Variants in ESPNL observed in about 807,000 individuals in gnomAD.
ESPNL encodes espin-like protein.
Under a neutral mutation model 46.8 loss-of-function variants are expected in ESPNL, and 49 were observed. The ratio of observed to expected loss-of-function variants is 1.05; its 90% confidence interval spans 0.83 to 1.33. The LOEUF is 1.33. Ranked by LOEUF, ESPNL falls within the 40% of genes most tolerant of loss-of-function variation. ESPNL has a pLI of 0.00. For missense variants in ESPNL, 1,540 were observed against 1,436.6 expected (o/e 1.07, Z -1.16); for synonymous variants, 664 against 662.1 (o/e 1.00, Z -0.04).
In ESPNL at chr2:238,127,604, CCTT is replaced by C. The variant is rs752327796; in HGVS notation, c.1103-8_1103-6del. 47 of 1,584,008 alleles carry C rather than the reference CCTT, an allele frequency of 3.0e-5. No individual in the cohort carries two copies. The highest frequency in any genetic ancestry group is 6.9e-5 in the East Asian group (3 of 43,692). ...CCAGCCCTTGCCCTTTCTGCAACAC[CCTT>C]CTTCTTCTTGGCAGCCATGTCCCTC... On this transcript the variant is annotated splice_polypyrimidine_tract_variant and intron_variant, in intron 6 of 8. Transcript: ENST00000343063.
intron 2 of ESPNL, among the ~76,000 whole-genome samples, chr2:238,103,553 C>T (rs572170767): frequency 7.9e-5 from 12 of 152,330 alleles, no homozygotes; most frequent in African/African-American, 2.4e-4. Context: ...CAGCAGCAGC[C>T]GAGAGGTGGC....
intron 6 of ESPNL, among the ~76,000 whole-genome samples, chr2:238,125,737 G>A (rs998073948): frequency 6.6e-6 from 1 of 151,836 alleles, no homozygotes; most frequent in African/African-American, 2.4e-5. Context: ...TCACGCTGTG[G>A]GCCACCACCA....
chr2:238,130,599 TGCAGGGA>T lies in ESPNL; in HGVS notation c.1887_1893del (p.Cys629TrpfsTer54). 1 of 1,568,474 alleles carries T rather than the reference TGCAGGGA, an allele frequency of 6.4e-7. No homozygotes were observed. Among genetic ancestry groups the T allele is most frequent in the Non-Finnish European group, 8.6e-7 (1 of 1,156,900 alleles). Reference sequence around the variant, plus strand: ...ATCCACCCGGCCCCTGCAGGACACCTGCAGGGAGGCCTCGGCCAGCCCCCCTCGGAGC... The same window carrying T: ...ATCCACCCGGCCCCTGCAGGACACCTGGCCTCGGCCAGCCCCCCTCGGAGC... On this transcript the variant is annotated frameshift_variant, in exon 9 of 9. Coordinates refer to ENST00000343063, the MANE Select transcript of ESPNL (RefSeq NM_194312.4). LOFTEE classifies it low-confidence loss of function (END_TRUNC).
rs968025268 is a variant in ESPNL, at chr2:238,114,279, C to T, written c.856-2624C>T. 3.3e-5 allele frequency among the ~76,000 whole-genome samples: 5 copies of T among 152,132 alleles called. No homozygotes were observed. Among genetic ancestry groups the T allele is most frequent in the African/African-American group, 1.2e-4 (5 of 41,418 alleles). On this transcript the variant is annotated intron_variant, in intron 4 of 8. Coordinates refer to ENST00000343063, the MANE Select transcript of ESPNL (RefSeq NM_194312.4). The surrounding 1 kb of genome is among the most constrained non-coding windows in gnomAD (Gnocchi z 5.0). ...TCAGGGCTTTGCCCTCTCTCCCCAG[C>T]ACCATTTGGGGCCAGGTCTGACACT...
In ESPNL at chr2:238,109,235, A is replaced by T. The variant is rs977147236; in HGVS notation, c.855+1262A>T. 2.0e-5 allele frequency among the ~76,000 whole-genome samples: 3 copies of T among 152,160 alleles called. No individual in the cohort carries two copies. In the East Asian group the frequency reaches 5.8e-4, roughly 29 times the overall value. Reference sequence around the variant, plus strand: ...TGGCCAGGGGTTTTTAAGCTTTTTTAAAGCAGCAAAATCTTCTTTCAAATG... The same window carrying T: ...TGGCCAGGGGTTTTTAAGCTTTTTTTAAGCAGCAAAATCTTCTTTCAAATG... On this transcript the variant is annotated intron_variant, in intron 4 of 8. Transcript: ENST00000343063.
chr2:238,118,795 GGATGGAGGAGGAAT>G (rs1691896725), intron 5 of ESPNL, among the ~76,000 whole-genome samples: 1 of 79,030 alleles, frequency 1.3e-5, no homozygotes, highest in Non-Finnish European at 2.4e-5. Flanking sequence ...GGAGGAGGGT[GGATGGAGGAGGAAT>G]GGATGGAGGA....
intron 5 of ESPNL, 132 bp from the exon 6 acceptor site, chr2:238,125,138 C>T: frequency 2.0e-6 from 1 of 502,666 alleles, no homozygotes; most frequent in South Asian, 3.4e-5. Context: ...CCTGCCACCT[C>T]CTTACCTGTC....
chr2:238,131,453 G>A lies in ESPNL; in HGVS notation c.2739G>A (p.Arg913=), dbSNP rs1692334963. 1 of 1,610,932 alleles carries A rather than the reference G, an allele frequency of 6.2e-7. No individual in the cohort carries two copies. The highest frequency in any genetic ancestry group is 1.3e-5 in the African/African-American group (1 of 74,864). ...CCGACGAGGTGGCCGCCGGCCGCCG[G>A]GCCTGGACCGACGGCTTCGAGGACA... The part of the protein sequence containing the change: ...AVTDEVAAGR[R]AWTDGFEDIK... The change falls in exon 9 of 9, where the codon CGG becomes CGA. Residue 913 remains arginine, a synonymous_variant. Coordinates refer to ENST00000343063, the MANE Select transcript of ESPNL (RefSeq NM_194312.4).
intron 4 of ESPNL, among the ~76,000 whole-genome samples, chr2:238,116,408 T>C (rs114805506): frequency 0.011 from 1,745 of 152,272 alleles, 37 homozygotes; most frequent in African/African-American, 0.04. Flanking sequence ...AGGCATGAGC[T>C]GGTGCTCCAG....
chr2:238,127,170 G>C (rs1449903639), intron 6 of ESPNL, among the ~76,000 whole-genome samples: 1 of 152,140 alleles, frequency 6.6e-6, no homozygotes, highest in Non-Finnish European at 1.5e-5. Flanking sequence ...GATTGTGTCT[G>C]TGCATGTCTG....
In ESPNL at chr2:238,100,627, G is replaced by A. The variant is rs749148341; in HGVS notation, c.208G>A (p.Gly70Arg). Residue 70 changes from glycine to arginine, a missense_variant, in exon 1 of 9, where the codon GGG becomes AGG. Physicochemically the swap from Gly to Arg is moderately radical, Grantham distance 125 (BLOSUM62 -2). Transcript: ENST00000343063. ...GCCCGGCAACCAGCGGGCCCACAACGGGGCCACCCCAGCGCATGACGCCGC... is the reference window on the plus strand; with the variant it reads ...GCCCGGCAACCAGCGGGCCCACAACAGGGCCACCCCAGCGCATGACGCCGC... The part of the protein sequence containing the change: ...QLPGNQRAHN[G>R]ATPAHDAAAT... 18 of 1,484,916 alleles carry A rather than the reference G, an allele frequency of 1.2e-5. No individual in the cohort carries two copies. The highest frequency in any genetic ancestry group is 2.1e-4 in the Middle Eastern group (1 of 4,798). 92.0% of individuals were successfully genotyped at this position (1,484,916 alleles called of 1,614,324 possible). A position where few individuals can be genotyped will look rare whatever the true frequency, so the allele number is the denominator to read the frequency against.
chr2:238,120,842 A>C (rs1020451537), intron 5 of ESPNL, among the ~76,000 whole-genome samples: 5 of 152,222 alleles, frequency 3.3e-5, no homozygotes, highest in Admixed American at 6.5e-5. Flanking sequence ...ATGGGAATGC[A>C]GTCCGCAGGG....
At position 238,131,285 on chromosome 2, in the gene ESPNL, C is replaced by G; in HGVS notation, c.2571C>G (p.Leu857=). 1.3e-6 allele frequency: 2 copies of G among 1,580,932 alleles called. No homozygotes were observed. Among genetic ancestry groups the G allele is most frequent in the South Asian group, 2.3e-5 (2 of 86,848 alleles). Residue 857 remains leucine, a synonymous_variant, in exon 9 of 9, where the codon CTC becomes CTG. Transcript: ENST00000343063. ...CCTACAGCAGCCTCTCACTGGATCT[C>G]TTCATGCTGGGTTACTTCCAGCTGC... ...PVPYSSLSLD[L]FMLGYFQLLE...
intron 8 of ESPNL, among the ~76,000 whole-genome samples, chr2:238,129,920 G>A (rs1284630910): frequency 1.3e-5 from 2 of 152,262 alleles, no homozygotes; most frequent in Non-Finnish European, 2.9e-5. Flanking sequence ...GGAGCCGTAG[G>A]GGCTGAAAGC....
chr2:238,126,150 C>T (rs1474124190), intron 6 of ESPNL, among the ~76,000 whole-genome samples: 1 of 147,324 alleles, frequency 6.8e-6, no homozygotes, highest in Non-Finnish European at 1.5e-5. Context: ...GTGATTGTGT[C>T]TGTGTGCATC....
rs1470630914 is a variant in ESPNL at position 238,130,591 on chromosome 2, A to T, written c.1877A>T (p.Gln626Leu). ...GAGAAGCCATCCACCCGGCCCCTGC[A>T]GGACACCTGCAGGGAGGCCTCGGCC... Reference protein sequence around the residue: ...GDEKPSTRPLQDTCREASASP... With the variant: ...GDEKPSTRPLLDTCREASASP... The change falls in exon 9 of 9, where the codon CAG (glutamine) becomes CTG (leucine). Residue 626 changes from glutamine to leucine, a missense_variant. Physicochemically the swap from Gln to Leu is moderately radical, Grantham distance 113. Coordinates refer to ENST00000343063, the MANE Select transcript of ESPNL (RefSeq NM_194312.4). 1 of 1,571,032 alleles carries T rather than the reference A, an allele frequency of 6.4e-7. No individual in the cohort carries two copies. Among genetic ancestry groups the T allele is most frequent in the African/African-American group, 1.3e-5 (1 of 74,380 alleles).
At chr2:238,116,218 CA>C (rs1450500274) in intron 4 of ESPNL, among the ~76,000 whole-genome samples, 2 of 152,210 alleles carry the variant, frequency 1.3e-5, no homozygotes, top group East Asian at 3.9e-4. Context: ...CTTCACAGGC[CA>C]AGATGTCCTC....
At position 238,102,079 on chromosome 2, in the gene ESPNL, G is replaced by A. The variant is rs201226551; in HGVS notation, c.433G>A (p.Ala145Thr). 1.2e-4 allele frequency: 183 copies of A among 1,577,608 alleles called. No homozygotes were observed. The highest frequency in any genetic ancestry group is 1.5e-4 in the Non-Finnish European group (178 of 1,163,986). The change falls in exon 2 of 9, where the codon GCC becomes ACC. Residue 145 changes from alanine to threonine, a missense_variant. Physicochemically the swap from Ala to Thr is moderately conservative, Grantham distance 58. Transcript: ENST00000343063. Reference sequence around the variant, plus strand: ...GGGAGCCCGGCCGCTGCACCACGCTGCCGTCAGTGGGGACCTGACCTGCCT... The same window carrying A: ...GGGAGCCCGGCCGCTGCACCACGCTACCGTCAGTGGGGACCTGACCTGCCT... ...REGARPLHHA[A>T]VSGDLTCLKL...
chr2:238,131,153 C>A lies in ESPNL; in HGVS notation c.2439C>A (p.Ala813=), dbSNP rs757238883. The change falls in exon 9 of 9, where the codon GCC becomes GCA. Residue 813 remains alanine, a synonymous_variant. Transcript: ENST00000343063. ...CCCACCTGCTGGGCAACTGGAAGGC[C>A]ATCATGGCTCACGTGCCCGCCCGGC... ...TITHLLGNWK[A]IMAHVPARQL... 2.6e-6 allele frequency: 4 copies of A among 1,546,142 alleles called. No individual in the cohort carries two copies. The African/African-American group carries it at 5.5e-5, about 21-fold the overall frequency.
Sources: gnomAD v4.1 joint callset for allele counts (sites outside exome capture counted in the v4.1 genomes callset) on GRCh38, gnomAD v4.1.1 for gene constraint, Gnocchi (gnomAD v3.1) non-coding constraint, MANE v1.5 for transcripts, NCBI Gene and HGNC (gene_info 2026-07-23, HGNC 2026-07-21) for gene names.